The following PCDH9 variants were observed in gnomAD, a reference collection of about 807,000 sequenced individuals.
The protein encoded by PCDH9 is protocadherin-9.
Under a neutral mutation model 70.6 loss-of-function variants are expected in PCDH9, and 24 were observed. The ratio of observed to expected loss-of-function variants is 0.34; its 90% CI spans 0.25 to 0.48. The LOEUF is 0.48. Among genes scored for constraint, PCDH9 ranks in the 20% least tolerant of loss-of-function variants. The probability of loss-of-function intolerance (pLI) is 0.99; values close to 1 mark genes in which losing one functional copy is unlikely to be tolerated. For missense variants in PCDH9, 1,281 were observed against 1,503.6 expected, an observed-to-expected ratio of 0.85 and a Z score of 2.45; for synonymous variants, 562 against 558.5, an observed-to-expected ratio of 1.01 and a Z score of -0.09.
chr13:67,173,202 G>A (rs2088345981), intron 2 of PCDH9, among the ~76,000 whole-genome samples: 1 of 152,082 alleles, frequency 6.6e-6, no homozygotes, highest in African/African-American at 2.4e-5. Flanking sequence ...GAGGATTGAA[G>A]GTTATCCACA....
intron 4 of PCDH9, among the ~76,000 whole-genome samples, chr13:66,535,921 GAAGT>G (rs1251522490): frequency 6.6e-6 from 1 of 152,020 alleles, no homozygotes; most frequent in Non-Finnish European, 1.5e-5. Flanking sequence ...CTAGTTACCA[GAAGT>G]AAGAAAGTTT....
intron 4 of PCDH9, among the ~76,000 whole-genome samples, chr13:66,544,814 C>T (rs1375627244): frequency 6.6e-6 from 1 of 152,074 alleles, no homozygotes; most frequent in African/African-American, 2.4e-5. Flanking sequence ...ACATCTTATG[C>T]TAATTAACAA....
intron 3 of PCDH9, among the ~76,000 whole-genome samples, chr13:66,675,094 T>A (rs564614781): frequency 1.3e-5 from 2 of 152,268 alleles, no homozygotes; most frequent in Admixed American, 1.3e-4. Context: ...AATAAGAAAT[T>A]TAAAATTTTG....
chr13:67,126,023 T>G (rs2086972490), intron 2 of PCDH9, among the ~76,000 whole-genome samples: 1 of 152,198 alleles, frequency 6.6e-6, no homozygotes, highest in African/African-American at 2.4e-5. Context: ...CCTAGCAGTC[T>G]ATCAGTAACC....
chr13:66,880,019 A>G (rs992087873), intron 3 of PCDH9: 1 of 152,166 alleles, frequency 6.6e-6, no homozygotes, highest in African/African-American at 2.4e-5. Context: ...AAGCAAATCC[A>G]AAAAATGCTC....
chr13:67,104,592 A>G (rs1467899450), intron 2 of PCDH9, among the ~76,000 whole-genome samples: 2 of 151,534 alleles, frequency 1.3e-5, no homozygotes, highest in Non-Finnish European at 2.9e-5. Flanking sequence ...TCTGTCGCCC[A>G]GGCTGGAGTG....
chr13:66,581,956 C>T (rs1026559543), intron 4 of PCDH9, among the ~76,000 whole-genome samples: 5 of 152,124 alleles, frequency 3.3e-5, no homozygotes, highest in African/African-American at 1.2e-4. Context: ...TAATCTATTT[C>T]TCTTCACGTC....
chr13:66,355,904 C>T (rs942140918), intron 4 of PCDH9, among the ~76,000 whole-genome samples: 2 of 152,072 alleles, frequency 1.3e-5, no homozygotes, highest in Non-Finnish European at 1.5e-5. Flanking sequence ...TCAGTGGAAA[C>T]ACAGACTTCA....
intron 2 of PCDH9, among the ~76,000 whole-genome samples, chr13:67,188,128 T>C (rs2088808904): frequency 6.6e-6 from 1 of 152,126 alleles, no homozygotes; most frequent in South Asian, 2.1e-4. Flanking sequence ...AGTTGACTAA[T>C]AGAGCATTCA....
At position 66,614,232 on chromosome 13, in the gene PCDH9, G is replaced by GT. The variant is rs565316758; in HGVS notation, c.3340+16977dup. ...AACTTTGGCCTAGGGTTAAAGGATTGTTTTTTGAGTTAAATTAGGAAAAAG... is the reference window on the plus strand; with the variant it reads ...AACTTTGGCCTAGGGTTAAAGGATTGTTTTTTTGAGTTAAATTAGGAAAAAG... On this transcript the variant is annotated intron_variant, in intron 4 of 4. Transcript: ENST00000377865. Among the ~76,000 whole-genome samples, 54 of 152,292 alleles carry GT rather than the reference G, an allele frequency of 3.5e-4. No individual in the cohort carries two copies. In the East Asian group the frequency reaches 9.6e-3, roughly 27 times the overall value.
At chr13:66,333,629 A>G (rs1402785504) in intron 4 of PCDH9, among the ~76,000 whole-genome samples, 1 of 152,314 alleles carries the variant, frequency 6.6e-6, no homozygotes, top group East Asian at 1.9e-4. Flanking sequence ...TGAAATGGAA[A>G]CAGGAAAACT....
At chr13:66,549,185 AGCC>A in intron 4 of PCDH9, among the ~76,000 whole-genome samples, 1 of 152,122 alleles carries the variant, frequency 6.6e-6, no homozygotes, top group East Asian at 1.9e-4. Context: ...ATATAAATCA[AGCC>A]TATATATAAA....
At chr13:66,744,651 T>C (rs1332345662) in intron 3 of PCDH9, among the ~76,000 whole-genome samples, 1 of 152,206 alleles carries the variant, frequency 6.6e-6, no homozygotes, top group Admixed American at 6.5e-5. Context: ...ATATATAATT[T>C]CCTCATTCTC....
chr13:66,781,284 A>G (rs1477605802), intron 3 of PCDH9, among the ~76,000 whole-genome samples: 1 of 152,194 alleles, frequency 6.6e-6, no homozygotes, highest in Non-Finnish European at 1.5e-5. Context: ...GTCATCCTAC[A>G]TTCTGCCCTT....
At chr13:66,987,303 A>G (rs945206073) in intron 2 of PCDH9, among the ~76,000 whole-genome samples, 3 of 152,048 alleles carry the variant, frequency 2.0e-5, no homozygotes, top group Non-Finnish European at 4.4e-5. Flanking sequence ...TTCAGCATCC[A>G]TGTGAAATGT....
chr13:66,478,327 C>T lies in PCDH9; in HGVS notation c.3340+152883G>A, dbSNP rs192571772. ...AAAACAAAGCAATATTGAAATTAGG[C>T]CAGTTAGTAAGCCTACGATGGCCTC... On this transcript the variant is annotated intron_variant, in intron 4 of 4. Coordinates refer to ENST00000377865, the MANE Select transcript of PCDH9 (RefSeq NM_203487.3). Among the ~76,000 whole-genome samples the T allele has an allele frequency of 4.0e-3, 607 of 152,178 alleles. 14 individuals carry two copies. Among genetic ancestry groups the T allele is most frequent in the Non-Finnish European group, 5.2e-3 (355 of 68,004 alleles).
chr13:66,633,121 C>A (rs1243020370), intron 3 of PCDH9, among the ~76,000 whole-genome samples: 2 of 152,090 alleles, frequency 1.3e-5, no homozygotes, highest in African/African-American at 4.8e-5. Context: ...GAGATGATAT[C>A]ACTTTACTGC....
At chr13:66,869,453 G>C (rs1032913250) in intron 3 of PCDH9, among the ~76,000 whole-genome samples, 1 of 151,924 alleles carries the variant, frequency 6.6e-6, no homozygotes, top group Non-Finnish European at 1.5e-5. Context: ...AATTTCCTAA[G>C]GTTTTACACC....
chr13:67,073,641 G>A (rs1483525226), intron 2 of PCDH9, among the ~76,000 whole-genome samples: 1 of 151,884 alleles, frequency 6.6e-6, no homozygotes, highest in African/African-American at 2.4e-5. Context: ...TCAAAATTTT[G>A]AAGATCTAAA....
Sources: allele counts gnomAD v4.1 joint callset (sites outside exome capture counted in the v4.1 genomes callset), GRCh38; gene constraint gnomAD v4.1.1; transcripts MANE v1.5; gene names NCBI Gene and HGNC (gene_info 2026-07-23, HGNC 2026-07-21).